Variants in PTPRD observed in about 807,000 individuals in gnomAD.
PTPRD encodes the protein receptor-type tyrosine-protein phosphatase delta.
A neutral mutation model predicts 214.5 loss-of-function variants in PTPRD; 34 were observed. That is an observed-to-expected ratio of 0.16 (90% CI 0.12 to 0.21). The LOEUF is 0.21. Ranked by LOEUF, PTPRD falls within the 10% of genes least tolerant of loss-of-function variation. PTPRD has a pLI of 1.00. For synonymous variants in PTPRD, 1,128 were observed against 845.7 expected, an observed-to-expected ratio of 1.33 and a Z score of -5.79; for missense variants, 2,545 against 2,398.7, an observed-to-expected ratio of 1.06 and a Z score of -1.27.
At chr9:8,993,911 T>C (rs2099386929) in intron 11 of PTPRD, among the ~76,000 whole-genome samples, 1 of 152,140 alleles carries the variant, frequency 6.6e-6, no homozygotes, top group Non-Finnish European at 1.5e-5. Flanking sequence ...AATAAAAATT[T>C]CATTTGAAAT....
chr9:10,596,747 G>T (rs1443065233), intron 2 of PTPRD, among the ~76,000 whole-genome samples: 7 of 151,420 alleles, frequency 4.6e-5, no homozygotes, highest in African/African-American at 1.7e-4. Context: ...CTTTGTCAGG[G>T]ATAATATGAT....
At chr9:10,106,522 GAC>G (rs60879156) in intron 3 of PTPRD, among the ~76,000 whole-genome samples, 7,971 of 151,862 alleles carry the variant, frequency 0.052, 267 homozygotes, top group Admixed American at 0.1. Flanking sequence ...GAAAGTGACG[GAC>G]ACACAGAAAG....
chr9:9,718,595 G>A (rs2097876757), intron 7 of PTPRD, among the ~76,000 whole-genome samples: 1 of 152,234 alleles, frequency 6.6e-6, no homozygotes, highest in Non-Finnish European at 1.5e-5. Flanking sequence ...TGCAGGCTCA[G>A]AAGTGCCTCT....
intron 2 of PTPRD, among the ~76,000 whole-genome samples, chr9:10,541,977 G>C (rs2059218235): frequency 6.6e-6 from 1 of 151,930 alleles, no homozygotes; most frequent in Non-Finnish European, 1.5e-5. Context: ...TAAGGTATTT[G>C]TACCCTAACA....
In PTPRD at chr9:8,449,717, C is replaced by T. The variant is rs779793875; in HGVS notation, c.3988+8G>A. 7.4e-6 allele frequency: 12 copies of T among 1,612,430 alleles called. No homozygotes were observed. The South Asian group carries it at 1.3e-4, about 18-fold the overall frequency. ...CTGTGTGTGGATTAGATGTGTGATG[C>T]TTCTTACCCGGTGTTTGAAAGTTAA... On this transcript the variant is annotated splice_region_variant and intron_variant, in intron 34 of 45. Transcript: ENST00000381196.
intron 14 of PTPRD, among the ~76,000 whole-genome samples, chr9:8,614,783 G>A (rs2095556916): frequency 6.6e-6 from 1 of 152,106 alleles, no homozygotes; most frequent in Non-Finnish European, 1.5e-5. Context: ...TCAGGAACAA[G>A]TATCTGTTAG....
intron 11 of PTPRD, among the ~76,000 whole-genome samples, chr9:8,966,565 G>A (rs1299246878): frequency 6.6e-6 from 1 of 151,920 alleles, no homozygotes; most frequent in Non-Finnish European, 1.5e-5. Context: ...ATATCCAGAA[G>A]AATGAAACTA....
intron 8 of PTPRD, among the ~76,000 whole-genome samples, chr9:9,511,983 T>C (rs989460097): frequency 2.0e-5 from 3 of 151,704 alleles, no homozygotes; most frequent in African/African-American, 7.3e-5. Context: ...AGGAAATAGG[T>C]CATAAATGCG....
intron 10 of PTPRD, among the ~76,000 whole-genome samples, chr9:9,069,090 G>A (rs1329874293): frequency 6.6e-6 from 1 of 152,160 alleles, no homozygotes; most frequent in Non-Finnish European, 1.5e-5. Flanking sequence ...AGACTACAGT[G>A]TATGAGAAAA....
rs1463011641 is a variant in PTPRD at position 9,272,319 on chromosome 9, G to T, written c.-202-88956C>A. Among the ~76,000 whole-genome samples the T allele has an allele frequency of 2.0e-5, 3 of 151,070 alleles. No homozygotes were observed. In the East Asian group the frequency reaches 5.9e-4, roughly 30 times the overall value. ...TGTCGGAATTAGACTAAAAGAAAAT[G>T]AACTTCATTAAAAAAATAAATTGAA... On this transcript the variant is annotated intron_variant, in intron 9 of 45. Transcript: ENST00000381196.
intron 8 of PTPRD, among the ~76,000 whole-genome samples, chr9:9,502,657 C>T (rs1481609468): frequency 1.3e-5 from 2 of 151,724 alleles, no homozygotes; most frequent in Non-Finnish European, 2.9e-5. Flanking sequence ...CAGCTTTATT[C>T]ATAATAGCCC....
chr9:10,226,215 G>T (rs1031043817), intron 3 of PTPRD, among the ~76,000 whole-genome samples: 1 of 152,008 alleles, frequency 6.6e-6, no homozygotes, highest in Non-Finnish European at 1.5e-5. Context: ...TGGGTAAGAG[G>T]CTTCTGCCAA....
At chr9:10,224,100 T>C (rs549684061) in intron 3 of PTPRD, among the ~76,000 whole-genome samples, 1 of 152,078 alleles carries the variant, frequency 6.6e-6, no homozygotes, top group East Asian at 1.9e-4. Context: ...TAATTTCAGT[T>C]GCCTCTTGAG....
At chr9:8,772,626 G>A (rs1457950054) in intron 11 of PTPRD, among the ~76,000 whole-genome samples, 1 of 152,074 alleles carries the variant, frequency 6.6e-6, no homozygotes, top group African/African-American at 2.4e-5. Flanking sequence ...CTGGGCAATA[G>A]AGCAAGACCT....
intron 14 of PTPRD, among the ~76,000 whole-genome samples, chr9:8,544,889 C>CTTTTTT (rs869280997): frequency 1.7e-5 from 2 of 118,698 alleles, no homozygotes; most frequent in Admixed American, 8.7e-5. Context: ...AAAGACAGTC[C>CTTTTTT]TTTTTTTTTT....
chr9:9,157,552 C>T (rs1447942198), intron 10 of PTPRD, among the ~76,000 whole-genome samples: 2 of 152,018 alleles, frequency 1.3e-5, no homozygotes, highest in Admixed American at 6.6e-5. Context: ...ATATAACCTA[C>T]CAAGATTGAA....
At chr9:10,289,744 C>T (rs2095475138) in intron 3 of PTPRD, among the ~76,000 whole-genome samples, 1 of 152,040 alleles carries the variant, frequency 6.6e-6, no homozygotes, top group Non-Finnish European at 1.5e-5. Context: ...ATTTATTCAA[C>T]ATGTATTTTA....
At chr9:10,147,947 A>C (rs1301721824) in intron 3 of PTPRD, among the ~76,000 whole-genome samples, 1 of 152,192 alleles carries the variant, frequency 6.6e-6, no homozygotes, top group East Asian at 1.9e-4. Context: ...TGTGGTAGCA[A>C]GGTCTGAGCC....
intron 8 of PTPRD, among the ~76,000 whole-genome samples, chr9:9,503,505 A>G (rs2096487155): frequency 1.3e-5 from 2 of 151,712 alleles, no homozygotes; most frequent in Non-Finnish European, 1.5e-5. Flanking sequence ...AGACCAGATG[A>G]AAAAATGTAG....
Sources: allele counts gnomAD v4.1 joint callset (sites outside exome capture counted in the v4.1 genomes callset), GRCh38; gene constraint gnomAD v4.1.1; transcripts MANE v1.5; gene names NCBI Gene and HGNC (gene_info 2026-07-23, HGNC 2026-07-21).